DPP10: variants seen among roughly 807,000 people sequenced by gnomAD.
DPP10 encodes the protein dipeptidyl peptidase like 10.
In DPP10, 33 loss-of-function variants were observed where a neutral mutation model predicts 120.9. The ratio of observed to expected loss-of-function variants is 0.27; its 90% CI spans 0.21 to 0.37. The LOEUF is 0.37. DPP10 is among the 10% of genes least tolerant of loss of function. The pLI is 1.00. For missense variants in DPP10, 816 were observed against 942.8 expected (o/e 0.87, Z 1.76); for synonymous variants, 337 against 326.1 (o/e 1.03, Z -0.36).
At chr2:114,850,698 C>T (rs993394659) in intron 1 of DPP10, among the ~76,000 whole-genome samples, 1 of 151,990 alleles carries the variant, frequency 6.6e-6, no homozygotes, top group South Asian at 2.1e-4. Context: ...AATGGGGAGT[C>T]CACTTCTCTC....
At chr2:114,672,952 C>T (rs1698440403) in intron 1 of DPP10, among the ~76,000 whole-genome samples, 1 of 152,018 alleles carries the variant, frequency 6.6e-6, no homozygotes, top group South Asian at 2.1e-4. Context: ...ATGGTGTCTC[C>T]CCCATGTTCT....
At chr2:115,408,818 C>G (rs1170661793) in intron 3 of DPP10, among the ~76,000 whole-genome samples, 1 of 152,008 alleles carries the variant, frequency 6.6e-6, no homozygotes, top group Non-Finnish European at 1.5e-5. Context: ...TAAGCTAGTG[C>G]TTAGTGAGAA....
At chr2:115,140,637 A>G (rs187351914) in intron 1 of DPP10, among the ~76,000 whole-genome samples, 2 of 152,314 alleles carry the variant, frequency 1.3e-5, no homozygotes, top group Non-Finnish European at 1.5e-5. Context: ...AAGAGTTTGG[A>G]CCACATTGCT....
chr2:114,583,272 T>C (rs547528463), intron 1 of DPP10, among the ~76,000 whole-genome samples: 1 of 152,354 alleles, frequency 6.6e-6, no homozygotes, highest in East Asian at 1.9e-4. Context: ...TGTATTTTTG[T>C]TAACAGACTG....
At chr2:115,161,835 A>G in intron 1 of DPP10, 4 of 434,506 alleles carry the variant, frequency 9.2e-6, no homozygotes, top group Non-Finnish European at 1.3e-5. Context: ...CGCTCCCCCC[A>G]CCCCGTCCCT....
intron 1 of DPP10, among the ~76,000 whole-genome samples, chr2:115,170,666 A>G (rs2105055056): frequency 6.6e-6 from 1 of 152,332 alleles, no homozygotes; most frequent in African/African-American, 2.4e-5. Flanking sequence ...TTTTGAAGCC[A>G]AACCCAACAT....
chr2:115,661,529 AG>A (rs2088975040), intron 5 of DPP10, among the ~76,000 whole-genome samples: 1 of 152,206 alleles, frequency 6.6e-6, no homozygotes, highest in Non-Finnish European at 1.5e-5. Context: ...TTCCTAGCAT[AG>A]AAGTGGCTTT....
intron 1 of DPP10, among the ~76,000 whole-genome samples, chr2:114,717,792 A>AATTTAGG (rs1701449333): frequency 3.3e-5 from 5 of 152,314 alleles, no homozygotes; most frequent in African/African-American, 9.6e-5. Context: ...AGAAAACAGT[A>AATTTAGG]CTTGATGATA....
intron 3 of DPP10, among the ~76,000 whole-genome samples, chr2:115,353,020 A>G (rs1179819543): frequency 6.6e-6 from 1 of 151,984 alleles, no homozygotes. Flanking sequence ...CAAAAAAAAA[A>G]TATAATTATG....
intron 1 of DPP10, among the ~76,000 whole-genome samples, chr2:114,691,265 T>C (rs1699727704): frequency 1.3e-5 from 2 of 152,142 alleles, no homozygotes; most frequent in African/African-American, 4.8e-5. Context: ...CTGAGAGTTT[T>C]AAACATAAAG....
intron 1 of DPP10, among the ~76,000 whole-genome samples, chr2:114,885,557 A>G (rs2106618990): frequency 6.6e-6 from 1 of 152,310 alleles, no homozygotes; most frequent in South Asian, 2.1e-4. Context: ...TTTTATCTTT[A>G]TTAAAATATG....
intron 1 of DPP10, among the ~76,000 whole-genome samples, chr2:114,521,741 T>C (rs1685068627): frequency 6.6e-6 from 1 of 150,972 alleles, no homozygotes; most frequent in Admixed American, 6.6e-5. Context: ...AAATTCTTCA[T>C]GGCAGAATTG....
At chr2:115,375,565 T>C (rs772770048) in intron 3 of DPP10, among the ~76,000 whole-genome samples, 3 of 152,216 alleles carry the variant, frequency 2.0e-5, no homozygotes, top group South Asian at 4.1e-4. Context: ...TTCAGGTATC[T>C]TTATAGCAGT....
intron 1 of DPP10, among the ~76,000 whole-genome samples, chr2:115,197,837 A>G (rs189877547): frequency 1.3e-5 from 2 of 152,298 alleles, no homozygotes; most frequent in Admixed American, 1.3e-4. Flanking sequence ...TATGATTCAG[A>G]ATTTAATTAG....
intron 1 of DPP10, among the ~76,000 whole-genome samples, chr2:115,152,886 G>A (rs1211218095): frequency 6.6e-6 from 1 of 152,134 alleles, no homozygotes; most frequent in Admixed American, 6.5e-5. Flanking sequence ...CAAAAGACAT[G>A]AGACTGAGGG....
intron 1 of DPP10, among the ~76,000 whole-genome samples, chr2:114,688,917 T>A (rs1470375949): frequency 6.6e-6 from 1 of 151,760 alleles, no homozygotes; most frequent in Non-Finnish European, 1.5e-5. Flanking sequence ...ATGTGGGAAG[T>A]GTGTGTATGT....
chr2:114,501,197 T>C (rs983750898), intron 1 of DPP10, among the ~76,000 whole-genome samples: 1 of 152,150 alleles, frequency 6.6e-6, no homozygotes. Context: ...CTCAGGCTAC[T>C]ATCTTTACCT....
chr2:115,634,559 A>G (rs2086163633), intron 5 of DPP10, among the ~76,000 whole-genome samples: 1 of 152,204 alleles, frequency 6.6e-6, no homozygotes, highest in South Asian at 2.1e-4. Flanking sequence ...TGGAGGCTAT[A>G]GAACAGTAAA....
chr2:114,556,405 C>G (rs959709497), intron 1 of DPP10, among the ~76,000 whole-genome samples: 3 of 151,502 alleles, frequency 2.0e-5, no homozygotes, highest in African/African-American at 7.3e-5. Flanking sequence ...AAGGTTTTCC[C>G]CTAGGTTTGG....
Sources: gnomAD v4.1 joint callset for allele counts (sites outside exome capture counted in the v4.1 genomes callset) on GRCh38, gnomAD v4.1.1 for gene constraint, MANE v1.5 for transcripts, NCBI Gene and HGNC (gene_info 2026-07-23, HGNC 2026-07-21) for gene names.